TRPS1: variants seen among roughly 807,000 people sequenced by gnomAD.
TRPS1 encodes the protein transcriptional repressor GATA binding 1.
In TRPS1, 6 loss-of-function variants were observed where a neutral mutation model predicts 101.2. The ratio of observed to expected loss-of-function variants is 0.06; its 90% CI spans 0.03 to 0.12. The LOEUF (loss-of-function observed/expected upper bound fraction) is 0.12. TRPS1 is among the 10% of genes least tolerant of loss of function. The pLI is 1.00. For synonymous variants in TRPS1, 578 were observed against 589.8 expected (o/e 0.98, Z 0.29); for missense variants, 1,363 against 1,567.0 (o/e 0.87, Z 2.20).
intron 5 of TRPS1, among the ~76,000 whole-genome samples, chr8:115,520,293 G>A (rs1815826025): frequency 6.6e-6 from 1 of 151,692 alleles, no homozygotes; most frequent in African/African-American, 2.4e-5. Context: ...AGGAGAAACA[G>A]GCTAAAGAGC....
At chr8:115,547,799 G>A (rs966789825) in intron 5 of TRPS1, among the ~76,000 whole-genome samples, 4 of 152,044 alleles carry the variant, frequency 2.6e-5, no homozygotes, top group Non-Finnish European at 5.9e-5. Flanking sequence ...TTTTCCTTTT[G>A]TGTCCTGTTG....
intron 5 of TRPS1, among the ~76,000 whole-genome samples, chr8:115,427,553 C>T (rs1813217084): frequency 6.6e-6 from 1 of 151,980 alleles, no homozygotes; most frequent in Admixed American, 6.6e-5. Flanking sequence ...AATAGTAGGG[C>T]TAAGATATAA....
chr8:115,495,687 T>C (rs1815132106), intron 5 of TRPS1, among the ~76,000 whole-genome samples: 1 of 123,958 alleles, frequency 8.1e-6, no homozygotes, highest in Admixed American at 7.8e-5. Flanking sequence ...CTATCATCTG[T>C]TAAAAAAAAA....
At chr8:115,449,539 C>T (rs1813815995) in intron 5 of TRPS1, among the ~76,000 whole-genome samples, 1 of 152,188 alleles carries the variant, frequency 6.6e-6, no homozygotes, top group South Asian at 2.1e-4. Context: ...GGCTTCAGAG[C>T]TTCTGCAACT....
At chr8:115,513,414 G>C (rs1815631473) in intron 5 of TRPS1, among the ~76,000 whole-genome samples, 1 of 151,596 alleles carries the variant, frequency 6.6e-6, no homozygotes, top group African/African-American at 2.4e-5. Flanking sequence ...TTTGCAATTA[G>C]GTGCTCATAC....
At chr8:115,580,470 C>T (rs1172443162) in intron 5 of TRPS1, among the ~76,000 whole-genome samples, 2 of 152,038 alleles carry the variant, frequency 1.3e-5, no homozygotes, top group African/African-American at 4.8e-5. Flanking sequence ...GCTCCTGAAA[C>T]TTGGGCCACC....
At chr8:115,612,694 T>A (rs1342025571) in intron 3 of TRPS1, among the ~76,000 whole-genome samples, 1 of 152,200 alleles carries the variant, frequency 6.6e-6, no homozygotes, top group Admixed American at 6.5e-5. Context: ...CATTCTTTAA[T>A]CTTATATCAA....
At chr8:115,462,305 C>T (rs1038055404) in intron 5 of TRPS1, among the ~76,000 whole-genome samples, 1 of 148,928 alleles carries the variant, frequency 6.7e-6, no homozygotes, top group African/African-American at 2.4e-5. Flanking sequence ...CATCTTCATA[C>T]GATAGCTTAA....
At chr8:115,507,767 A>G (rs552164003) in intron 5 of TRPS1, among the ~76,000 whole-genome samples, 1 of 152,266 alleles carries the variant, frequency 6.6e-6, no homozygotes, top group East Asian at 1.9e-4. Context: ...ACAAGCAAAC[A>G]GATTGAGAAG....
chr8:115,535,236 C>CATATATATAGCAT (rs1554583787), intron 5 of TRPS1, among the ~76,000 whole-genome samples: 3 of 118,540 alleles, frequency 2.5e-5, no homozygotes, highest in Non-Finnish European at 3.4e-5. Flanking sequence ...ATATATATAG[C>CATATATATAGCAT]ATATATAGCA....
At chr8:115,421,480 A>G (rs1281803933) in intron 5 of TRPS1, among the ~76,000 whole-genome samples, 1 of 152,182 alleles carries the variant, frequency 6.6e-6, no homozygotes, top group Non-Finnish European at 1.5e-5. Context: ...GATATTGTTC[A>G]ATGTGTTTCT....
rs1482551568 is a variant in TRPS1 at position 115,440,320 on chromosome 8, G to A, written c.2701-21868C>T. On this transcript the variant is annotated intron_variant, in intron 5 of 6. Transcript: ENST00000395715. ...AAAATGTAAGGAGAGAGAGGCTCAC[G>A]CCAATAGGAAGACCGACTGGCTGAG... Among the ~76,000 whole-genome samples the A allele has an allele frequency of 3.3e-5, 5 of 152,294 alleles. No homozygotes were observed. The East Asian group carries it at 7.7e-4, about 24-fold the overall frequency.
At chr8:115,586,836 C>A in intron 5 of TRPS1, 165 bp downstream of exon 5, 1 of 1,128,478 alleles carries the variant, frequency 8.9e-7, no homozygotes. Flanking sequence ...CACAAACACA[C>A]ATGAGTTACT....
At chr8:115,574,284 C>T (rs143308517) in intron 5 of TRPS1, among the ~76,000 whole-genome samples, 1 of 152,196 alleles carries the variant, frequency 6.6e-6, no homozygotes, top group African/African-American at 2.4e-5. Flanking sequence ...AGTTTGAGTA[C>T]AGGTTAGTTT....
chr8:115,510,649 G>A (rs1404183342), intron 5 of TRPS1, among the ~76,000 whole-genome samples: 1 of 151,780 alleles, frequency 6.6e-6, no homozygotes, highest in Non-Finnish European at 1.5e-5. Context: ...CTTTGACCTT[G>A]GCTTTTCCCA....
At chr8:115,434,631 T>G (rs1813404828) in intron 5 of TRPS1, among the ~76,000 whole-genome samples, 1 of 152,202 alleles carries the variant, frequency 6.6e-6, no homozygotes, top group Non-Finnish European at 1.5e-5. Context: ...CTTGGCAATA[T>G]TGGTGTGATT....
At chr8:115,481,637 T>C (rs563839391) in intron 5 of TRPS1, among the ~76,000 whole-genome samples, 35 of 152,206 alleles carry the variant, frequency 2.3e-4, no homozygotes, top group Non-Finnish European at 3.4e-4. Flanking sequence ...AAGAAGCTCC[T>C]GTCTGCTCAT....
chr8:115,450,254 C>G (rs1031390146), intron 5 of TRPS1, among the ~76,000 whole-genome samples: 1 of 152,132 alleles, frequency 6.6e-6, no homozygotes, highest in East Asian at 1.9e-4. Context: ...CTGTTCTGAT[C>G]GTGATATGGA....
chr8:115,459,757 T>A (rs1331414551), intron 5 of TRPS1, among the ~76,000 whole-genome samples: 2 of 152,206 alleles, frequency 1.3e-5, no homozygotes, highest in South Asian at 2.1e-4. Flanking sequence ...TTGTTTCCCA[T>A]ATGTAGAACA....
Sources: gnomAD v4.1 joint callset for allele counts (sites outside exome capture counted in the v4.1 genomes callset) on GRCh38, gnomAD v4.1.1 for gene constraint, MANE v1.5 for transcripts, NCBI Gene and HGNC (gene_info 2026-07-23, HGNC 2026-07-21) for gene names.